The following ESRRG variants were observed in gnomAD, a reference collection of about 807,000 sequenced individuals.
The protein encoded by ESRRG is estrogen-related receptor gamma.
Under a neutral mutation model 44.0 loss-of-function variants are expected in ESRRG, and 13 were observed. The ratio of observed to expected loss-of-function variants is 0.30; its 90% CI spans 0.19 to 0.47. ESRRG has a LOEUF of 0.47. ESRRG is among the 20% of genes least tolerant of loss of function. The pLI, the probability that ESRRG is intolerant of heterozygous loss-of-function variation, is 1.00. For missense variants in ESRRG, 395 were observed against 580.6 expected (o/e 0.68, Z 3.29); for synonymous variants, 215 against 214.6 (o/e 1.00, Z -0.02).
chr1:216,884,046 C>T (rs2149341515), intron 2 of ESRRG, among the ~76,000 whole-genome samples: 1 of 152,280 alleles, frequency 6.6e-6, no homozygotes, highest in East Asian at 1.9e-4. Flanking sequence ...ATCAGCATTA[C>T]CAAACTTCTT....
chr1:216,754,757 A>T (rs1342448883), intron 2 of ESRRG, among the ~76,000 whole-genome samples: 6 of 146,654 alleles, frequency 4.1e-5, no homozygotes, highest in Non-Finnish European at 6.0e-5. Flanking sequence ...TGCGTAAAAG[A>T]TTTGGTGGGA....
At chr1:216,732,967 A>ATACAAC (rs1258541422) in intron 2 of ESRRG, among the ~76,000 whole-genome samples, 1 of 151,978 alleles carries the variant, frequency 6.6e-6, no homozygotes, top group Non-Finnish European at 1.5e-5. Context: ...TTTCCCAGCC[A>ATACAAC]TACAACCACA....
At chr1:216,737,612 C>T (rs764155846) in intron 2 of ESRRG, among the ~76,000 whole-genome samples, 1 of 152,022 alleles carries the variant, frequency 6.6e-6, no homozygotes, top group African/African-American at 2.4e-5. Flanking sequence ...ATTATTTTAC[C>T]ATTATTGAAC....
chr1:216,745,232 C>A (rs1355159664), intron 2 of ESRRG, among the ~76,000 whole-genome samples: 1 of 152,122 alleles, frequency 6.6e-6, no homozygotes, highest in Non-Finnish European at 1.5e-5. Context: ...AACCATGACA[C>A]ACTGCAGCCT....
intron 1 of ESRRG, among the ~76,000 whole-genome samples, chr1:217,132,184 G>A (rs1418236224): frequency 2.6e-5 from 4 of 152,148 alleles, no homozygotes; most frequent in African/African-American, 4.8e-5. Context: ...TGTAGAGAGG[G>A]AGGTCTCACT....
rs1029109601 is a variant in ESRRG at position 216,812,454 on chromosome 1, T to C, written c.-14+127128A>G. On this transcript the variant is annotated intron_variant, in intron 2 of 7. Coordinates refer to the ESRRG transcript ENST00000359162. ...GGTCTCCAATTTCTGCAGAGCTGTGTGTTCATGTAGTAGATTGCATAATGA... is the reference window on the plus strand; with the variant it reads ...GGTCTCCAATTTCTGCAGAGCTGTGCGTTCATGTAGTAGATTGCATAATGA... 2.0e-5 allele frequency among the ~76,000 whole-genome samples: 3 copies of C among 152,182 alleles called. No individual in the cohort carries two copies. The East Asian group carries it at 5.8e-4, about 29-fold the overall frequency.
intron 1 of ESRRG, among the ~76,000 whole-genome samples, chr1:217,033,838 C>T (rs1453754210): frequency 6.6e-6 from 1 of 152,104 alleles, no homozygotes; most frequent in Non-Finnish European, 1.5e-5. Context: ...TCATAGTAAG[C>T]TTATGAGGAA....
chr1:216,516,936 G>A (rs2044508585), intron 6 of ESRRG, among the ~76,000 whole-genome samples: 1 of 152,154 alleles, frequency 6.6e-6, no homozygotes, highest in Admixed American at 6.6e-5. Flanking sequence ...GATGGGGCTT[G>A]CAGGTTAGGT....
chr1:217,103,907 C>T (rs891631149), intron 1 of ESRRG, among the ~76,000 whole-genome samples: 3 of 151,946 alleles, frequency 2.0e-5, no homozygotes, highest in Non-Finnish European at 4.4e-5. Flanking sequence ...GGTGAGACAG[C>T]GTGGGGCACT....
At chr1:216,705,716 CCT>C (rs989415984) in intron 1 of ESRRG, among the ~76,000 whole-genome samples, 4 of 152,168 alleles carry the variant, frequency 2.6e-5, no homozygotes, top group African/African-American at 7.2e-5. Flanking sequence ...AGATCCTTCC[CCT>C]GTTACTCTTC....
At chr1:216,738,442 A>G (rs901335087) in intron 2 of ESRRG, among the ~76,000 whole-genome samples, 1 of 152,244 alleles carries the variant, frequency 6.6e-6, no homozygotes, top group Non-Finnish European at 1.5e-5. Flanking sequence ...GTAAAAATCT[A>G]TTCTAAATAC....
intron 1 of ESRRG, among the ~76,000 whole-genome samples, chr1:217,063,227 C>G (rs2088925215): frequency 6.6e-6 from 1 of 152,176 alleles, no homozygotes; most frequent in Non-Finnish European, 1.5e-5. Flanking sequence ...GACTAAGCAA[C>G]CCAGCTGACT....
chr1:216,588,740 T>C (rs925193165), intron 3 of ESRRG, among the ~76,000 whole-genome samples: 5 of 152,144 alleles, frequency 3.3e-5, no homozygotes, highest in African/African-American at 1.2e-4. Context: ...ATTTGATATC[T>C]CCATTTTCCA....
At chr1:216,866,102 C>T (rs747674651) in intron 2 of ESRRG, among the ~76,000 whole-genome samples, 3 of 152,180 alleles carry the variant, frequency 2.0e-5, no homozygotes, top group Non-Finnish European at 4.4e-5. Flanking sequence ...TCAGTAAATG[C>T]AAATATTGTG....
intron 5 of ESRRG, among the ~76,000 whole-genome samples, chr1:216,520,888 A>G (rs2045887402): frequency 6.6e-6 from 1 of 152,190 alleles, no homozygotes; most frequent in African/African-American, 2.4e-5. Flanking sequence ...TTTCAATCAT[A>G]TCAAATTGTG....
At chr1:216,856,269 T>A (rs1209902960) in intron 2 of ESRRG, among the ~76,000 whole-genome samples, 6 of 151,722 alleles carry the variant, frequency 4.0e-5, no homozygotes, top group African/African-American at 1.2e-4. Flanking sequence ...AAAGGAAAAT[T>A]TCCTGGAAAG....
At chr1:216,796,309 T>A (rs904615316) in intron 2 of ESRRG, among the ~76,000 whole-genome samples, 2 of 152,010 alleles carry the variant, frequency 1.3e-5, no homozygotes, top group Admixed American at 6.6e-5. Flanking sequence ...CAATTGTATA[T>A]CTCCAAGGCG....
At chr1:216,588,577 T>C (rs952222394) in intron 3 of ESRRG, among the ~76,000 whole-genome samples, 5 of 152,210 alleles carry the variant, frequency 3.3e-5, no homozygotes, top group Non-Finnish European at 7.3e-5. Context: ...AGCACTTTCA[T>C]AGATCATCTT....
chr1:216,853,898 GTTT>G (rs1310963367), intron 2 of ESRRG, among the ~76,000 whole-genome samples: 1 of 152,036 alleles, frequency 6.6e-6, no homozygotes, highest in Non-Finnish European at 1.5e-5. Context: ...CCATTTATAG[GTTT>G]TTAAGTCTGT....
Sources: gnomAD v4.1 joint callset for allele counts (sites outside exome capture counted in the v4.1 genomes callset) on GRCh38, gnomAD v4.1.1 for gene constraint, MANE v1.5 for transcripts, NCBI Gene and HGNC (gene_info 2026-07-23, HGNC 2026-07-21) for gene names.